SLC26A8: variants seen among roughly 807,000 people sequenced by gnomAD.
SLC26A8 encodes the protein solute carrier family 26 member 8.
SLC26A8 carries 70 observed loss-of-function variants against 105.0 expected under a neutral mutation model. That is an observed-to-expected ratio of 0.67 (90% CI 0.55 to 0.81). The LOEUF is 0.81. Ranked by LOEUF, SLC26A8 falls within the 40% of genes least tolerant of loss-of-function variation. The pLI, the probability that SLC26A8 is intolerant of heterozygous loss-of-function variation, is 0.00. For missense variants in SLC26A8, 998 were observed against 1,181.8 expected (o/e 0.84, Z 2.28); for synonymous variants, 415 against 438.3 (o/e 0.95, Z 0.66).
intron 16 of SLC26A8, 66 bp from the exon 17 acceptor site, chr6:35,955,586 G>A (rs997840850): frequency 4.9e-5 from 76 of 1,561,630 alleles, no homozygotes; most frequent in Non-Finnish European, 6.1e-5. Flanking sequence ...GACTTGCAAC[G>A]ATGCTATTTC....
At chr6:35,947,609 T>C (rs1206173238) in intron 19 of SLC26A8, among the ~76,000 whole-genome samples, 1 of 152,174 alleles carries the variant, frequency 6.6e-6, no homozygotes, top group African/African-American at 2.4e-5. Flanking sequence ...ATGAGTTTCC[T>C]ATATGTTAGC....
intron 10 of SLC26A8, among the ~76,000 whole-genome samples, chr6:35,970,380 G>C (rs1007969017): frequency 1.3e-5 from 2 of 152,200 alleles, no homozygotes; most frequent in South Asian, 2.1e-4. Flanking sequence ...CAGCTAAAGT[G>C]AGTGGCCTGA....
At chr6:35,997,430 C>T (rs1761385632) in intron 5 of SLC26A8, among the ~76,000 whole-genome samples, 1 of 152,132 alleles carries the variant, frequency 6.6e-6, no homozygotes, top group Non-Finnish European at 1.5e-5. Context: ...TGCAACTGGT[C>T]CCCGGTTTCA....
chr6:35,947,413 G>C (rs1176957962), intron 19 of SLC26A8, among the ~76,000 whole-genome samples: 2 of 152,148 alleles, frequency 1.3e-5, no homozygotes, highest in Non-Finnish European at 2.9e-5. Flanking sequence ...TACTTGTTCT[G>C]AGAGGTTTAG....
At position 35,944,522 on chromosome 6, in the gene SLC26A8, A is replaced by T. The variant is rs544182245; in HGVS notation, c.2473-182T>A. ...TTCTATCTTAACAAATAATAATAAT[A>T]ATTATAATTATTATATAATAATAAT... On this transcript the variant is annotated intron_variant, in intron 19 of 19. Coordinates refer to ENST00000490799, the MANE Select transcript of SLC26A8 (RefSeq NM_052961.4). Among the ~76,000 whole-genome samples the T allele has an allele frequency of 8.1e-5, 12 of 147,856 alleles. No homozygotes were observed. The South Asian group carries it at 1.1e-3, about 13-fold the overall frequency.
chr6:35,997,163 C>T (rs537182288), intron 5 of SLC26A8, among the ~76,000 whole-genome samples: 4 of 152,214 alleles, frequency 2.6e-5, no homozygotes, highest in South Asian at 2.1e-4. Context: ...TGTTAGGAAC[C>T]GGGTGCTGCA....
chr6:36,006,909 T>G (rs756724303), intron 3 of SLC26A8, among the ~76,000 whole-genome samples: 4 of 152,166 alleles, frequency 2.6e-5, no homozygotes, highest in Non-Finnish European at 5.9e-5. Flanking sequence ...TATCAATAGA[T>G]GCAAAAAAAA....
intron 11 of SLC26A8, among the ~76,000 whole-genome samples, chr6:35,962,862 C>A (rs1772368913): frequency 6.6e-6 from 1 of 152,238 alleles, no homozygotes; most frequent in South Asian, 2.1e-4. Flanking sequence ...AGTACTGTGG[C>A]GTGCTATCAT....
At chr6:36,003,814 AC>A (rs1414018777) in intron 3 of SLC26A8, among the ~76,000 whole-genome samples, 1 of 151,770 alleles carries the variant, frequency 6.6e-6, no homozygotes, top group African/African-American at 2.4e-5. Flanking sequence ...GGTGCCTGCC[AC>A]CACGCCCAGC....
chr6:35,943,848 T>G lies in SLC26A8; in HGVS notation c.*52A>C. 6.3e-7 allele frequency: 1 copy of G among 1,581,422 alleles called. No homozygotes were observed. Among genetic ancestry groups the G allele is most frequent in the South Asian group, 1.2e-5 (1 of 85,644 alleles). ...GGTCTCTGGACAATTGACCCCTTTT[T>G]GGGTAGGAGGATTTGCCAGCATTAT... On this transcript the variant is annotated 3_prime_UTR_variant, in exon 20 of 20. Transcript: ENST00000490799.
chr6:35,976,321 G>A (rs1581652857), intron 9 of SLC26A8, among the ~76,000 whole-genome samples: 1 of 151,702 alleles, frequency 6.6e-6, no homozygotes, highest in Admixed American at 6.6e-5. Flanking sequence ...CTACTCGGGT[G>A]GCTGAGGCAG....
At chr6:35,980,969 G>A (rs896439606) in intron 8 of SLC26A8, among the ~76,000 whole-genome samples, 2 of 151,824 alleles carry the variant, frequency 1.3e-5, no homozygotes, top group African/African-American at 2.4e-5. Context: ...CTGAGATGGC[G>A]CATTGCACTC....
At position 35,950,286 on chromosome 6, in the gene SLC26A8, G is replaced by A. The variant is rs937621743; in HGVS notation, c.2472+877C>T. On this transcript the variant is annotated intron_variant, in intron 19 of 19. Transcript: ENST00000490799. The stretch of plus-strand genomic sequence containing the variant: ...ATTTGAAAATGCTAAAGTAGGCCCA[G>A]GTCTCAGTATTTTTTTTTTTTTAGA... Among the ~76,000 whole-genome samples, 7 of 151,240 alleles carry A rather than the reference G, an allele frequency of 4.6e-5. No individual in the cohort carries two copies. In the East Asian group the frequency reaches 9.8e-4, roughly 21 times the overall value.
chr6:35,959,606 A>C lies in SLC26A8; in HGVS notation c.1732-15T>G. 1 of 1,611,748 alleles carries C rather than the reference A, an allele frequency of 6.2e-7. No homozygotes were observed. On this transcript the variant is annotated splice_polypyrimidine_tract_variant and intron_variant, in intron 15 of 19. Transcript: ENST00000490799. ...ACCATATCAACCTGAAAGACATGAG[A>C]GGTCTCATCCAGAGGAAGAATGGTG...
intron 19 of SLC26A8, 72 bp downstream of exon 19, chr6:35,951,091 A>ACCCCCCCCCCCCCCCC: frequency 8.0e-7 from 1 of 1,256,376 alleles, no homozygotes; most frequent in South Asian, 1.3e-5. Context: ...CCAGCCCCCA[A>ACCCCCCCCCCCCCCCC]CCACCCCTCA....
intron 3 of SLC26A8, among the ~76,000 whole-genome samples, chr6:36,011,610 C>A (rs1001161910): frequency 2.0e-5 from 3 of 152,020 alleles, no homozygotes; most frequent in African/African-American, 7.2e-5. Context: ...TATCCTTCAC[C>A]TTTTTTTTCT....
intron 7 of SLC26A8, among the ~76,000 whole-genome samples, chr6:35,983,398 A>G (rs915476757): frequency 6.6e-6 from 1 of 152,222 alleles, no homozygotes; most frequent in Admixed American, 6.5e-5. Context: ...CTATTGTTAC[A>G]TTTTTTGTTT....
chr6:35,980,129 T>C (rs1581658041), intron 8 of SLC26A8, among the ~76,000 whole-genome samples: 1 of 152,182 alleles, frequency 6.6e-6, no homozygotes, highest in Non-Finnish European at 1.5e-5. Flanking sequence ...CACACCACTA[T>C]GCCCAGCTAG....
intron 3 of SLC26A8, among the ~76,000 whole-genome samples, chr6:36,004,989 G>A (rs851044): frequency 0.43 from 65,499 of 151,694 alleles, 14,257 homozygotes; most frequent in South Asian, 0.56. Flanking sequence ...GAAAAGCAGC[G>A]TGTAGCATGA....
Sources: gnomAD v4.1 joint callset for allele counts (sites outside exome capture counted in the v4.1 genomes callset) on GRCh38, gnomAD v4.1.1 for gene constraint, MANE v1.5 for transcripts, NCBI Gene and HGNC (gene_info 2026-07-23, HGNC 2026-07-21) for gene names.